The following RNLS variants were observed in gnomAD, a reference collection of about 807,000 sequenced individuals.
RNLS encodes renalase.
In RNLS, 39 loss-of-function variants were observed where a neutral mutation model predicts 39.8. That is an observed-to-expected ratio of 0.98 (90% CI 0.76 to 1.28). The LOEUF is 1.28. Among genes scored for constraint, RNLS ranks in the 50% most tolerant of loss-of-function variants. The probability of loss-of-function intolerance (pLI) is 0.00; values close to 1 mark genes in which losing one functional copy is unlikely to be tolerated. For missense variants in RNLS, 410 were observed against 413.3 expected (o/e 0.99, Z 0.07); for synonymous variants, 147 against 150.7 (o/e 0.98, Z 0.18).
chr10:88,530,294 T>C (rs965232269), intron 4 of RNLS, among the ~76,000 whole-genome samples: 1 of 152,190 alleles, frequency 6.6e-6, no homozygotes, highest in African/African-American at 2.4e-5. Context: ...CTGCAATAGA[T>C]CTTGTTTCTA....
chr10:88,282,382 A>G (rs1414758301), downstream of RNLS, among the ~76,000 whole-genome samples: 2 of 151,976 alleles, frequency 1.3e-5, no homozygotes, highest in Non-Finnish European at 2.9e-5. Flanking sequence ...CTGGTTGGCC[A>G]AGATCTGTGC....
At chr10:88,174,319 A>C in the RNLS span, among the ~76,000 whole-genome samples, 1 of 151,946 alleles carries the variant, frequency 6.6e-6, no homozygotes, top group African/African-American at 2.4e-5. Flanking sequence ...TTCTTGTTCC[A>C]GATCTTAGAT....
chr10:88,263,086 T>C, the RNLS span, among the ~76,000 whole-genome samples: 2 of 152,110 alleles, frequency 1.3e-5, no homozygotes, highest in East Asian at 3.8e-4. Flanking sequence ...GGGCAATATG[T>C]GGTCTAGCAC....
chr10:88,462,956 A>C (rs1204580402), intron 4 of RNLS, among the ~76,000 whole-genome samples: 2 of 152,076 alleles, frequency 1.3e-5, no homozygotes, highest in Non-Finnish European at 2.9e-5. Context: ...TTAAAAGTAC[A>C]TGATGGATTT....
the RNLS span, among the ~76,000 whole-genome samples, chr10:88,200,855 G>A: frequency 1.7e-4 from 26 of 152,096 alleles, no homozygotes; most frequent in Non-Finnish European, 3.5e-4. Flanking sequence ...TCCTGGTCCC[G>A]GGAAGTGGTC....
At chr10:88,403,560 T>C (rs969977482) in intron 4 of RNLS, among the ~76,000 whole-genome samples, 7 of 152,114 alleles carry the variant, frequency 4.6e-5, no homozygotes, top group Non-Finnish European at 8.8e-5. Flanking sequence ...GACTATATGT[T>C]GACAATTGCT....
chr10:88,186,639 A>AT, the RNLS span, among the ~76,000 whole-genome samples: 1 of 152,174 alleles, frequency 6.6e-6, no homozygotes, highest in African/African-American at 2.4e-5. Context: ...TATTTAAGTG[A>AT]TATATCAGTG....
At chr10:88,492,018 G>T (rs533992237) in intron 4 of RNLS, among the ~76,000 whole-genome samples, 1 of 149,760 alleles carries the variant, frequency 6.7e-6, no homozygotes, top group Non-Finnish European at 1.5e-5. Context: ...AGGTTAGAAA[G>T]GTAAAAAGAA....
intron 4 of RNLS, among the ~76,000 whole-genome samples, chr10:88,550,841 G>A (rs1848572203): frequency 6.6e-6 from 1 of 152,156 alleles, no homozygotes; most frequent in Admixed American, 6.5e-5. Context: ...GATTGAGAAG[G>A]GATCTTAGAG....
At chr10:88,305,641 T>C (rs772538988) in intron 6 of RNLS, among the ~76,000 whole-genome samples, 2 of 152,200 alleles carry the variant, frequency 1.3e-5, no homozygotes, top group Non-Finnish European at 2.9e-5. Context: ...ATCCTAAATA[T>C]ATATGCACCC....
intron 4 of RNLS, among the ~76,000 whole-genome samples, chr10:88,554,804 C>T (rs1375504459): frequency 6.6e-6 from 1 of 152,064 alleles, no homozygotes; most frequent in East Asian, 1.9e-4. Flanking sequence ...ATCAATTTTC[C>T]CCTTTCTACT....
At chr10:88,359,821 A>G (rs1849496792) in intron 5 of RNLS, among the ~76,000 whole-genome samples, 1 of 152,166 alleles carries the variant, frequency 6.6e-6, no homozygotes, top group Non-Finnish European at 1.5e-5. Flanking sequence ...GCTTTTACCC[A>G]CCATCCCACT....
At chr10:88,497,080 C>T (rs1044483818) in intron 4 of RNLS, among the ~76,000 whole-genome samples, 1 of 152,008 alleles carries the variant, frequency 6.6e-6, no homozygotes, top group Non-Finnish European at 1.5e-5. Context: ...CTAGTAGCAT[C>T]AGAGGTAGGG....
At chr10:88,461,176 T>C (rs572546227) in intron 4 of RNLS, among the ~76,000 whole-genome samples, 1 of 152,232 alleles carries the variant, frequency 6.6e-6, no homozygotes, top group South Asian at 2.1e-4. Flanking sequence ...CCTTGTTGGA[T>C]ACTGAACTTC....
rs77472077 is a variant in RNLS, at chr10:88,559,206, A to G, written c.526+13697T>C. Among the ~76,000 whole-genome samples, 646 of 152,302 alleles carry G rather than the reference A, an allele frequency of 4.2e-3. 22 individuals carry two copies. The South Asian group carries it at 0.075, about 18-fold the overall frequency. ...ATCATTATATTCTACAGTGCATAAT[A>G]AATTTTGCATCTTTGTAGTATAACT... On this transcript the variant is annotated intron_variant, in intron 4 of 6. Transcript: ENST00000331772.
Position 88,314,350 on chromosome 10 carries a change from A to G in RNLS, c.876+116T>C, listed in dbSNP as rs1442895112. 2.8e-6 allele frequency: 3 copies of G among 1,083,646 alleles called. No homozygotes were observed. The African/African-American group carries it at 4.8e-5, about 17-fold the overall frequency. The allele number at this position is 1,083,646 out of a possible 1,614,324, so 67.1% of individuals were successfully genotyped here. On this transcript the variant is annotated intron_variant, in intron 6 of 6. Coordinates refer to ENST00000331772, the MANE Select transcript of RNLS (RefSeq NM_001031709.3). Reference sequence around the variant, plus strand: ...TGTTGGGCAAACACATATTTGCTCCAAGGATCACATAGTTAATTTATTTCA... The same window carrying G: ...TGTTGGGCAAACACATATTTGCTCCGAGGATCACATAGTTAATTTATTTCA...
chr10:88,466,127 G>A lies in RNLS; in HGVS notation c.527-103402C>T, dbSNP rs1843191377. 2.0e-5 allele frequency among the ~76,000 whole-genome samples: 3 copies of A among 152,076 alleles called. No individual in the cohort carries two copies. The South Asian group carries it at 6.2e-4, about 31-fold the overall frequency. On this transcript the variant is annotated intron_variant, in intron 4 of 6. Coordinates refer to ENST00000331772, the MANE Select transcript of RNLS (RefSeq NM_001031709.3). ...CTATGAGCAGATGGGATGCCAGGGA[G>A]AGATATTAGGTGACATTGTGGGAAG... is the stretch of plus-strand genomic sequence containing the variant.
chr10:88,274,736 T>G, exon 7 of RNLS: 1 of 405,014 alleles, frequency 2.5e-6, no homozygotes, highest in Non-Finnish European at 4.6e-6. Context: ...CATACAGCAA[T>G]TCTATATTTC....
intron 4 of RNLS, among the ~76,000 whole-genome samples, chr10:88,493,237 TATTATA>T (rs1255587542): frequency 6.6e-6 from 1 of 152,118 alleles, no homozygotes; most frequent in African/African-American, 2.4e-5. Flanking sequence ...GAGTTACATC[TATTATA>T]ATTTTTTTCC....
Sources: allele counts gnomAD v4.1 joint callset (sites outside exome capture counted in the v4.1 genomes callset), GRCh38; gene constraint gnomAD v4.1.1; transcripts MANE v1.5; gene names NCBI Gene and HGNC (gene_info 2026-07-23, HGNC 2026-07-21).